Variants in GREB1 observed in about 807,000 individuals in gnomAD.
GREB1 encodes growth regulating estrogen receptor binding 1, also known as protein GREB1.
Under a neutral mutation model 200.7 loss-of-function variants are expected in GREB1, and 106 were observed. That is an observed-to-expected ratio of 0.53 (90% CI 0.45 to 0.62). The LOEUF (loss-of-function observed/expected upper bound fraction) is 0.62. Ranked by LOEUF, GREB1 falls within the 20% of genes least tolerant of loss-of-function variation. The pLI is 0.00. For missense variants in GREB1, 2,243 were observed against 2,556.8 expected (o/e 0.88, Z 2.65); for synonymous variants, 1,132 against 1,092.4 (o/e 1.04, Z -0.72).
Position 11,585,183 on chromosome 2 carries a change from C to T in GREB1, c.924C>T (p.Pro308=), listed in dbSNP as rs369174662. 33 of 1,577,222 alleles carry T rather than the reference C, an allele frequency of 2.1e-5. No homozygotes were observed. In the South Asian group the frequency reaches 2.6e-4, roughly 12 times the overall value. Residue 308 remains proline, a synonymous_variant, in exon 8 of 33, where the codon CCC becomes CCT. Transcript: ENST00000381486. The part of the protein sequence containing the change: ...SALGILSNSG[P]PKKRHKGWSP... ...TAGGTATCTTGTCAAACTCCGGGCC[C>T]CCCAAAAAACGCCACAAAGGGTGGT...
Position 11,508,275 on chromosome 2 carries a change from T to C in GREB1, c.-159+25894T>C, listed in dbSNP as rs113297915. 5.7e-3 allele frequency among the ~76,000 whole-genome samples: 864 copies of C among 152,314 alleles called. 12 individuals are homozygous for C. Among genetic ancestry groups the C allele is most frequent in the African/African-American group, 0.02 (821 of 41,566 alleles). On this transcript the variant is annotated intron_variant, in intron 1 of 2. Transcript: ENST00000628795. ...GGCTCATGGCAGTTGGAATTTCTAT[T>C]TCCTCCAGGAAAACCCTCCACATTT...
At chr2:11,636,704 C>T (rs1273161854) in intron 30 of GREB1, among the ~76,000 whole-genome samples, 2 of 151,720 alleles carry the variant, frequency 1.3e-5, no homozygotes, top group East Asian at 3.9e-4. Context: ...AGAGAGTGAG[C>T]CACGTGCCCA....
intron 4 of GREB1, among the ~76,000 whole-genome samples, chr2:11,567,955 T>C (rs1558558171): frequency 6.6e-6 from 1 of 152,204 alleles, no homozygotes; most frequent in Non-Finnish European, 1.5e-5. Context: ...TGGCAGTCTG[T>C]TCTCATCCCG....
At chr2:11,586,225 C>T (rs1178419040) in intron 9 of GREB1, among the ~76,000 whole-genome samples, 1 of 152,184 alleles carries the variant, frequency 6.6e-6, no homozygotes, top group East Asian at 1.9e-4. Flanking sequence ...CTGCCGTGGT[C>T]CCAGACCCGG....
In GREB1 at chr2:11,524,766, C is replaced by G. The variant is rs562165048; in HGVS notation, c.-158-31691C>G. Among the ~76,000 whole-genome samples the G allele has an allele frequency of 2.6e-5, 4 of 152,216 alleles. No homozygotes were observed. The East Asian group carries it at 5.8e-4, about 22-fold the overall frequency. On this transcript the variant is annotated intron_variant, in intron 1 of 2. Coordinates refer to the GREB1 transcript ENST00000628795. Reference sequence around the variant, plus strand: ...TGGCAGACAACCCTGTCCATCCCCCCACTTCCTGGCTAGCAGAACTCTGAT... The same window carrying G: ...TGGCAGACAACCCTGTCCATCCCCCGACTTCCTGGCTAGCAGAACTCTGAT...
intron 30 of GREB1, among the ~76,000 whole-genome samples, chr2:11,636,890 A>G (rs1408326889): frequency 1.2e-5 from 1 of 85,014 alleles, no homozygotes. Flanking sequence ...AGGGGCATGG[A>G]CAGAGCCAGG....
chr2:11,491,918 T>C (rs1261577220), intron 1 of GREB1, among the ~76,000 whole-genome samples: 1 of 152,222 alleles, frequency 6.6e-6, no homozygotes, highest in Non-Finnish European at 1.5e-5. Context: ...TTCTACCGAT[T>C]AGTTTAGTGC....
intron 1 of GREB1, among the ~76,000 whole-genome samples, chr2:11,514,213 G>C (rs1673426140): frequency 6.6e-6 from 1 of 152,226 alleles, no homozygotes; most frequent in African/African-American, 2.4e-5. Context: ...GTGTGTGCCA[G>C]ATATGGTGCT....
intron 1 of GREB1, among the ~76,000 whole-genome samples, chr2:11,501,895 G>GTTTGTT (rs1673049114): frequency 2.2e-5 from 1 of 45,562 alleles, no homozygotes; most frequent in Non-Finnish European, 3.8e-5. Flanking sequence ...TGGATTTCCT[G>GTTTGTT]TTTTTTTTTG....
Position 11,635,309 on chromosome 2 carries a change from C to T in GREB1, c.5250C>T (p.His1750=). The T allele has an allele frequency of 1.2e-6, 2 of 1,614,094 alleles. No individual in the cohort carries two copies. The highest frequency in any genetic ancestry group is 1.7e-5 in the Admixed American group (1 of 60,022). The change falls in exon 30 of 33, where the codon CAC becomes CAT. Residue 1750 remains histidine, a synonymous_variant. Transcript: ENST00000381486. ...ATGTAGACTTCAACCTGCGGGTGCACAGCGCCGGCCTCCTGCTCTGCCGGT... is the reference window on the plus strand; with the variant it reads ...ATGTAGACTTCAACCTGCGGGTGCATAGCGCCGGCCTCCTGCTCTGCCGGT... The part of the protein sequence containing the change: ...CDDVDFNLRV[H]SAGLLLCRFN...
chr2:11,485,449 T>C (rs1392999332), intron 1 of GREB1, among the ~76,000 whole-genome samples: 2 of 151,888 alleles, frequency 1.3e-5, no homozygotes, highest in African/African-American at 2.4e-5. Flanking sequence ...AATTTTTGTA[T>C]TTTTAGTAGA....
At chr2:11,607,436 G>A (rs948054099) in intron 17 of GREB1, among the ~76,000 whole-genome samples, 13 of 87,212 alleles carry the variant, frequency 1.5e-4, no homozygotes, top group African/African-American at 4.1e-4. Flanking sequence ...GTATGTGTGT[G>A]TGTGTGTGTG....
Position 11,566,618 on chromosome 2 carries a change from G to C in GREB1, c.416G>C (p.Arg139Thr). ...CTCCTGGTGTGCGCCGTTGACAAGA[G>C]GTTCTTGCCAGATGACAATGGCCAC... The part of the protein sequence containing the change: ...DHLLVCAVDK[R>T]FLPDDNGHNA... Residue 139 changes from arginine to threonine, a missense_variant, in exon 4 of 33, where the codon AGG (arginine) becomes ACG (threonine). Physicochemically the swap from Arg to Thr is moderately conservative, Grantham distance 71. Around this residue, in one of 3 missense-constraint regions of GREB1, gnomAD observed 1,178 missense variants for 1,387.4 expected, o/e 0.85. Transcript: ENST00000381486. 6.2e-7 allele frequency: 1 copy of C among 1,613,958 alleles called. No homozygotes were observed. The highest frequency in any genetic ancestry group is 2.2e-5 in the East Asian group (1 of 44,864).
At chr2:11,562,895 C>T in intron 3 of GREB1, 1 of 229,420 alleles carries the variant, frequency 4.4e-6, no homozygotes, top group Non-Finnish European at 8.5e-6. Context: ...TTGCTTGGAA[C>T]CTAGAATACA....
chr2:11,605,301 C>CT (rs1225222258), intron 17 of GREB1, among the ~76,000 whole-genome samples: 2 of 151,630 alleles, frequency 1.3e-5, no homozygotes, highest in Non-Finnish European at 2.9e-5. Context: ...TCTCAGCTCA[C>CT]TGCAACCTCT....
At chr2:11,576,902 G>C (rs1678918538) in intron 5 of GREB1, among the ~76,000 whole-genome samples, 1 of 152,122 alleles carries the variant, frequency 6.6e-6, no homozygotes, top group Admixed American at 6.5e-5. Context: ...GGCCATGGTG[G>C]TGCCCGCCTG....
At chr2:11,557,332 A>G (rs1676523850) in intron 2 of GREB1, among the ~76,000 whole-genome samples, 1 of 152,218 alleles carries the variant, frequency 6.6e-6, no homozygotes, top group African/African-American at 2.4e-5. Flanking sequence ...GTGTGTTTTC[A>G]TTTCAGAAGT....
chr2:11,625,875 C>T (rs1312888512), intron 24 of GREB1, among the ~76,000 whole-genome samples: 1 of 152,184 alleles, frequency 6.6e-6, no homozygotes, highest in African/African-American at 2.4e-5. Context: ...AATTGACTCA[C>T]AGTTCCACGT....
At chr2:11,622,296 GT>G (rs1684077372) in intron 23 of GREB1, among the ~76,000 whole-genome samples, 1 of 152,126 alleles carries the variant, frequency 6.6e-6, no homozygotes, top group Non-Finnish European at 1.5e-5. Context: ...GGCCAGGCTG[GT>G]CTCAAACTTC....
Sources: allele counts gnomAD v4.1 joint callset (sites outside exome capture counted in the v4.1 genomes callset), GRCh38; gene constraint gnomAD v4.1.1; regional missense constraint gnomAD v4.1.1; transcripts MANE v1.5; gene names NCBI Gene and HGNC (gene_info 2026-07-23, HGNC 2026-07-21).